The following LPIN2 variants were observed in gnomAD, a reference collection of about 807,000 sequenced individuals.
The protein encoded by LPIN2 is phosphatidate phosphatase LPIN2.
In LPIN2, 55 loss-of-function variants were observed where a neutral mutation model predicts 111.4. The observed-to-expected ratio is 0.49, with a 90% CI of 0.40 to 0.62. The LOEUF is 0.62. Ranked by LOEUF, LPIN2 falls within the 20% of genes least tolerant of loss-of-function variation. The pLI, the probability that LPIN2 is intolerant of heterozygous loss-of-function variation, is 0.00. For missense variants in LPIN2, 992 were observed against 1,112.1 expected, an observed-to-expected ratio of 0.89 and a Z score of 1.54; for synonymous variants, 425 against 414.0, an observed-to-expected ratio of 1.03 and a Z score of -0.32.
chr18:2,931,471 T>C, intron 8 of LPIN2, 28 bp from the exon 9 acceptor site: 2 of 1,550,776 alleles, frequency 1.3e-6, no homozygotes, highest in Non-Finnish European at 1.7e-6. Flanking sequence ...GGAAAAGATG[T>C]GCTTTATTAC....
At chr18:2,980,453 C>G (rs989521133) in intron 1 of LPIN2, among the ~76,000 whole-genome samples, 2 of 152,176 alleles carry the variant, frequency 1.3e-5, no homozygotes, top group African/African-American at 2.4e-5. Flanking sequence ...CACCACCAAC[C>G]TCAGCCCCAC....
chr18:2,996,500 C>T (rs1407425279), intron 1 of LPIN2, among the ~76,000 whole-genome samples: 12 of 103,372 alleles, frequency 1.2e-4, no homozygotes, highest in Non-Finnish European at 1.8e-4. Context: ...TTTTTTGAGA[C>T]AGAGTCTCTC....
At chr18:2,989,103 T>G (rs989009798) in intron 1 of LPIN2, among the ~76,000 whole-genome samples, 1 of 152,180 alleles carries the variant, frequency 6.6e-6, no homozygotes, top group African/African-American at 2.4e-5. Flanking sequence ...TACACAATTC[T>G]CATGAAAGAC....
chr18:2,946,100 T>C (rs897757711), intron 4 of LPIN2: 1 of 1,555,442 alleles, frequency 6.4e-7, no homozygotes, highest in African/African-American at 1.4e-5. Context: ...ATTTCATCAT[T>C]GTCTTCTTTT....
At chr18:2,923,960 C>A in intron 15 of LPIN2, 99 bp from the exon 16 acceptor site, 1 of 941,898 alleles carries the variant, frequency 1.1e-6, no homozygotes, top group Non-Finnish European at 1.7e-6. Flanking sequence ...TAATTGGTGG[C>A]GGGACACTCT....
At chr18:2,923,002 T>C (rs1350654688) in intron 16 of LPIN2, among the ~76,000 whole-genome samples, 2 of 152,200 alleles carry the variant, frequency 1.3e-5, no homozygotes, top group Non-Finnish European at 2.9e-5. Context: ...ATCAATGTAA[T>C]ATATGTATTA....
At chr18:2,951,765 C>A (rs183047286) in intron 3 of LPIN2, among the ~76,000 whole-genome samples, 55 of 152,282 alleles carry the variant, frequency 3.6e-4, no homozygotes, top group African/African-American at 1.2e-3. Context: ...AAGCAGAAGG[C>A]AGAGATTAAG....
intron 1 of LPIN2, among the ~76,000 whole-genome samples, chr18:3,007,548 T>A (rs553337374): frequency 9.2e-5 from 14 of 152,218 alleles, no homozygotes; most frequent in Non-Finnish European, 1.6e-4. Context: ...CGTCTCTCAG[T>A]GTTTACAAAG....
rs542116963 is a variant in LPIN2 at position 2,951,271 on chromosome 18, G to A, written c.374C>T (p.Ser125Leu). 1.5e-5 allele frequency: 25 copies of A among 1,613,966 alleles called. No individual in the cohort carries two copies. Among genetic ancestry groups the A allele is most frequent in the Admixed American group, 6.7e-5 (4 of 59,986 alleles). Reference sequence around the variant, plus strand: ...CTGAGATGGTGTTTCATCTCCACCCGATTTCACCAAAGGGGTGTCAATATC... The same window carrying A: ...CTGAGATGGTGTTTCATCTCCACCCAATTTCACCAAAGGGGTGTCAATATC... Reference protein sequence around the residue: ...FKDIDTPLVKSGGDETPSQSS... With the variant: ...FKDIDTPLVKLGGDETPSQSS... The change falls in exon 4 of 20, where the codon TCG becomes TTG. Residue 125 changes from serine (S) to leucine (L), a missense_variant. Physicochemically the swap from Ser to Leu is moderately radical, Grantham distance 145. Transcript: ENST00000677752.
intron 4 of LPIN2, chr18:2,946,449 C>CGCCT: frequency 1.4e-6 from 2 of 1,436,230 alleles, no homozygotes; most frequent in Non-Finnish European, 2.0e-6. Context: ...AAGACTGGAA[C>CGCCT]GCCTGGGTGA....
chr18:2,928,128 T>C (rs2077162464), intron 11 of LPIN2, among the ~76,000 whole-genome samples: 1 of 152,190 alleles, frequency 6.6e-6, no homozygotes, highest in Non-Finnish European at 1.5e-5. Context: ...CCAACTAGGC[T>C]GATGATGTCT....
chr18:3,008,709 C>T (rs1567868824), intron 1 of LPIN2, among the ~76,000 whole-genome samples: 1 of 152,206 alleles, frequency 6.6e-6, no homozygotes, highest in Non-Finnish European at 1.5e-5. Flanking sequence ...TCCTTCCCTC[C>T]TTCCCACTTA....
At chr18:3,006,011 G>A (rs1055172478) in intron 1 of LPIN2, among the ~76,000 whole-genome samples, 21 of 152,320 alleles carry the variant, frequency 1.4e-4, no homozygotes, top group Middle Eastern at 6.8e-3. Flanking sequence ...GCAGGTCATC[G>A]CTACCACATG....
intron 1 of LPIN2, among the ~76,000 whole-genome samples, chr18:2,988,928 C>T (rs1165458815): frequency 6.6e-6 from 1 of 152,148 alleles, no homozygotes; most frequent in African/African-American, 2.4e-5. Flanking sequence ...GCCTTTGCAA[C>T]AAATTAATTG....
chr18:2,943,458 G>GTGTGTGTGTGTGTT (rs55747910), intron 4 of LPIN2, among the ~76,000 whole-genome samples: 95 of 146,306 alleles, frequency 6.5e-4, no homozygotes, highest in Middle Eastern at 3.5e-3. Flanking sequence ...GTGTGTGTGT[G>GTGTGTGTGTGTGTT]TATAAATCAA....
chr18:2,997,863 G>C (rs2078369074), intron 1 of LPIN2, among the ~76,000 whole-genome samples: 1 of 152,184 alleles, frequency 6.6e-6, no homozygotes, highest in South Asian at 2.1e-4. Context: ...GCTTCCCAGA[G>C]GGAAGTCTGC....
chr18:2,924,822 C>CA (rs887239654), intron 14 of LPIN2, among the ~76,000 whole-genome samples: 20 of 152,370 alleles, frequency 1.3e-4, no homozygotes, highest in African/African-American at 4.8e-4. Flanking sequence ...GCTTTAGCCA[C>CA]AGCCTGCTCT....
In LPIN2 at chr18:2,924,455, T is replaced by TA; in HGVS notation, c.2029dup (p.Tyr677LeufsTer7). On this transcript the variant is annotated frameshift_variant, in exon 15 of 20. Transcript: ENST00000677752. LOFTEE classifies it high-confidence loss of function. ...GATCTTGTCATTCCAGTTCCACAGG[T>TA]AAATGGTCCCTGCACAGCGACAGGT... The TA allele has an allele frequency of 6.2e-7, 1 of 1,614,124 alleles. No individual in the cohort carries two copies. Among genetic ancestry groups the TA allele is most frequent in the South Asian group, 1.1e-5 (1 of 91,084 alleles).
At chr18:2,955,482 A>G (rs1007124393) in intron 2 of LPIN2, among the ~76,000 whole-genome samples, 1 of 152,192 alleles carries the variant, frequency 6.6e-6, no homozygotes, top group African/African-American at 2.4e-5. Flanking sequence ...GTGCTAAGCC[A>G]TCCATGAGGG....
Sources: gnomAD v4.1 joint callset for allele counts (sites outside exome capture counted in the v4.1 genomes callset) on GRCh38, gnomAD v4.1.1 for gene constraint, MANE v1.5 for transcripts, NCBI Gene and HGNC (gene_info 2026-07-23, HGNC 2026-07-21) for gene names.